The following CCDC150 variants were observed in gnomAD, a reference collection of about 807,000 sequenced individuals.
CCDC150 encodes the protein coiled-coil domain containing 150, also known as coiled-coil domain-containing protein 150.
Under a neutral mutation model 156.5 loss-of-function variants are expected in CCDC150, and 151 were observed. The observed-to-expected ratio is 0.97, with a 90% CI of 0.85 to 1.10. The LOEUF is 1.10. Ranked by LOEUF, CCDC150 falls within the 50% of genes least tolerant of loss-of-function variation. CCDC150 has a pLI of 0.00. For synonymous variants in CCDC150, 452 were observed against 429.4 expected (o/e 1.05, Z -0.65); for missense variants, 1,312 against 1,268.1 (o/e 1.03, Z -0.53).
rs534206869 is a variant in CCDC150, at chr2:196,658,817, A to G, written c.602A>G (p.Glu201Gly). 6.2e-7 allele frequency: 1 copy of G among 1,606,156 alleles called. No individual in the cohort carries two copies. Among genetic ancestry groups the G allele is most frequent in the Non-Finnish European group, 8.5e-7 (1 of 1,175,932 alleles). Residue 201 changes from glutamate (E) to glycine (G), a missense_variant, in exon 5 of 28, where the codon GAA becomes GGA. By Grantham distance (98) the Glu-to-Gly change is moderately conservative (BLOSUM62 -2). Transcript: ENST00000389175. The part of the protein sequence containing the change: ...TKKNAAIIEE[E>G]LKTTKRKMNL... The stretch of plus-strand genomic sequence containing the variant: ...AAGAATGCAGCCATTATTGAAGAGG[A>G]ACTGAAGACCACAAAACGTAAAATG...
Position 196,729,325 on chromosome 2 carries a change from A to G in CCDC150, c.2689A>G (p.Thr897Ala). 6.2e-7 allele frequency: 1 copy of G among 1,613,912 alleles called. No individual in the cohort carries two copies. Among genetic ancestry groups the G allele is most frequent in the Non-Finnish European group, 8.5e-7 (1 of 1,179,844 alleles). ...SNKEKIKNQK[T>A]QIKLHLSAKA... ...CAAGGAGAAAATAAAGAATCAAAAG[A>G]CCCAAATTAAGCTCCACTTGTCAGC... Residue 897 changes from threonine to alanine, a missense_variant, in exon 23 of 28, where the codon ACC (threonine) becomes GCC (alanine). Coordinates refer to ENST00000389175, the MANE Select transcript of CCDC150 (RefSeq NM_001080539.2).
intron 22 of CCDC150, chr2:196,726,635 TAGAAGA>T (rs1369633491): frequency 6.5e-6 from 1 of 154,464 alleles, no homozygotes; most frequent in Non-Finnish European, 1.4e-5. Context: ...ATTTGGTTGA[TAGAAGA>T]AGAGAGGCTT....
intron 22 of CCDC150, 73 bp from the exon 23 acceptor site, chr2:196,729,120 A>T: frequency 7.7e-7 from 1 of 1,304,980 alleles, no homozygotes; most frequent in South Asian, 1.5e-5. Flanking sequence ...ATGATAAAAT[A>T]TAAGGACAAA....
chr2:196,725,989 G>T lies in CCDC150; in HGVS notation c.2446G>T (p.Glu816Ter). 1 of 1,599,786 alleles carries T rather than the reference G, an allele frequency of 6.3e-7. No homozygotes were observed. The highest frequency in any genetic ancestry group is 1.1e-5 in the South Asian group (1 of 88,374). The change falls in exon 22 of 28, where the codon GAG (glutamate) becomes TAG (stop). Residue 816 changes from glutamate to a stop codon, truncating the protein, a stop_gained. Transcript: ENST00000389175. LOFTEE classifies it high-confidence loss of function. ...TCAAAACAGAGACCGGATGACTGAA[G>T]AGTCCAAAGTGGAAGCAGAATTGCA... is the stretch of plus-strand genomic sequence containing the variant. ...LETFKDRMTE[E>*]SKVEAELHAE...
chr2:196,703,118 G>A (rs746739185), intron 15 of CCDC150, among the ~76,000 whole-genome samples: 23 of 152,186 alleles, frequency 1.5e-4, no homozygotes, highest in Admixed American at 6.5e-5. Context: ...TGCAGCATGA[G>A]TTTTGGCAGG....
intron 15 of CCDC150, among the ~76,000 whole-genome samples, chr2:196,703,717 C>T (rs1474896848): frequency 6.6e-6 from 1 of 152,114 alleles, no homozygotes; most frequent in East Asian, 1.9e-4. Flanking sequence ...TCATGACAGA[C>T]TTAAAGCCAA....
chr2:196,717,663 G>A (rs544959717), intron 17 of CCDC150, among the ~76,000 whole-genome samples: 67 of 152,276 alleles, frequency 4.4e-4, no homozygotes, highest in African/African-American at 1.6e-3. Context: ...AGGCCGAGGT[G>A]AGCAGATCAC....
intron 13 of CCDC150, among the ~76,000 whole-genome samples, chr2:196,692,532 T>A (rs1695553439): frequency 1.3e-5 from 2 of 152,344 alleles, no homozygotes; most frequent in South Asian, 4.1e-4. Context: ...ATCTCTTTTT[T>A]CTCATTAGTT....
intron 12 of CCDC150, 107 bp downstream of exon 12, chr2:196,676,838 TTGTC>T (rs1296094614): frequency 2.0e-6 from 2 of 993,660 alleles, no homozygotes; most frequent in African/African-American, 1.6e-5. Flanking sequence ...CAGATGCAGT[TTGTC>T]TGAGTTGCCC....
intron 13 of CCDC150, among the ~76,000 whole-genome samples, chr2:196,678,881 A>G (rs1189037516): frequency 6.6e-6 from 1 of 152,226 alleles, no homozygotes; most frequent in East Asian, 1.9e-4. Flanking sequence ...CCTGGGTGAC[A>G]GAGTGAGACT....
At chr2:196,693,095 G>A (rs1187517840) in intron 13 of CCDC150, among the ~76,000 whole-genome samples, 1 of 151,914 alleles carries the variant, frequency 6.6e-6, no homozygotes, top group African/African-American at 2.4e-5. Flanking sequence ...GTCTTTATTG[G>A]TTCAAAGTCT....
intron 1 of CCDC150, among the ~76,000 whole-genome samples, chr2:196,645,717 AG>A (rs1692496258): frequency 6.6e-6 from 1 of 152,216 alleles, no homozygotes; most frequent in Non-Finnish European, 1.5e-5. Context: ...CAATAGCTGT[AG>A]AAAGGTCTTT....
intron 20 of CCDC150, 61 bp downstream of exon 20, chr2:196,720,729 T>A (rs1559275476): frequency 1.4e-6 from 2 of 1,420,804 alleles, no homozygotes; most frequent in Admixed American, 2.1e-5. Flanking sequence ...GGGATATTAC[T>A]GTTTTTGGGA....
rs745851812 is a variant in CCDC150, at chr2:196,674,305, T to C, written c.1094T>C (p.Met365Thr). 2 of 1,604,308 alleles carry C rather than the reference T, an allele frequency of 1.2e-6. No individual in the cohort carries two copies. Among genetic ancestry groups the C allele is most frequent in the East Asian group, 2.2e-5 (1 of 44,644 alleles). ...AGCTGCATGCTTCAGACTGTTACTATGGAAAAAGCCAGAATCATTGCTGAC... is the reference window on the plus strand; with the variant it reads ...AGCTGCATGCTTCAGACTGTTACTACGGAAAAAGCCAGAATCATTGCTGAC... ...ELSCMLQTVTMEKARIIADHQ... is the reference protein window; with the variant it reads ...ELSCMLQTVTTEKARIIADHQ... Residue 365 changes from methionine (M) to threonine (T), a missense_variant, in exon 10 of 28, where the codon ATG becomes ACG. By Grantham distance (81) the Met-to-Thr change is moderately conservative (BLOSUM62 -1). Transcript: ENST00000389175.
intron 25 of CCDC150, 75 bp downstream of exon 25, chr2:196,730,193 T>A: frequency 7.8e-7 from 1 of 1,288,148 alleles, no homozygotes; most frequent in Non-Finnish European, 1.1e-6. Context: ...GTTTTGCACC[T>A]AGACTTTCTA....
chr2:196,720,950 T>G (rs1468949948), intron 20 of CCDC150, among the ~76,000 whole-genome samples: 1 of 152,128 alleles, frequency 6.6e-6, no homozygotes, highest in Non-Finnish European at 1.5e-5. Flanking sequence ...TGTCAGAAGT[T>G]AATAGGCTTA....
intron 13 of CCDC150, among the ~76,000 whole-genome samples, chr2:196,684,625 G>C (rs1695024513): frequency 6.6e-6 from 1 of 152,030 alleles, no homozygotes; most frequent in South Asian, 2.1e-4. Context: ...CAGTTGTTCT[G>C]CTGATTAATG....
At chr2:196,686,403 T>C (rs760403108) in intron 13 of CCDC150, 2 of 152,594 alleles carry the variant, frequency 1.3e-5, no homozygotes, top group African/African-American at 2.4e-5. Context: ...CTAAAGTGTT[T>C]TAGCTATTTT....
intron 13 of CCDC150, among the ~76,000 whole-genome samples, chr2:196,678,811 C>T (rs1021504494): frequency 2.6e-5 from 4 of 152,118 alleles, no homozygotes; most frequent in African/African-American, 7.2e-5. Flanking sequence ...GTGACTGAGG[C>T]ATGAGAATTG....
Sources: gnomAD v4.1 joint callset for allele counts (sites outside exome capture counted in the v4.1 genomes callset) on GRCh38, gnomAD v4.1.1 for gene constraint, MANE v1.5 for transcripts, NCBI Gene and HGNC (gene_info 2026-07-23, HGNC 2026-07-21) for gene names.